Variants in IQCE observed in about 807,000 individuals in gnomAD.
IQCE encodes the protein IQ motif containing E.
A neutral mutation model predicts 96.0 loss-of-function variants in IQCE; 115 were observed. That is an observed-to-expected ratio of 1.20 (90% CI 1.03 to 1.40). The LOEUF (loss-of-function observed/expected upper bound fraction) is 1.40. Among genes scored for constraint, IQCE ranks in the 40% most tolerant of loss-of-function variants. IQCE has a pLI of 0.00. For missense variants in IQCE, 1,041 were observed against 909.1 expected (o/e 1.15, Z -1.87); for synonymous variants, 412 against 371.2 (o/e 1.11, Z -1.26).
chr7:2,572,547 T>C (rs564150645), intron 5 of IQCE, among the ~76,000 whole-genome samples: 1 of 152,260 alleles, frequency 6.6e-6, no homozygotes, highest in South Asian at 2.1e-4. Flanking sequence ...TGCAGGGATA[T>C]CTCGCCAGGT....
intron 12 of IQCE, among the ~76,000 whole-genome samples, chr7:2,587,299 G>C (rs1033396067): frequency 2.0e-5 from 3 of 152,106 alleles, no homozygotes; most frequent in Non-Finnish European, 4.4e-5. Flanking sequence ...GCGAGGCAGA[G>C]GCCTGGGCTG....
rs1436205066 is a variant in IQCE, at chr7:2,611,117, G to C, written c.*955G>C. On this transcript the variant is annotated 3_prime_UTR_variant, in exon 22 of 22. Coordinates refer to ENST00000402050, the MANE Select transcript of IQCE (RefSeq NM_152558.5). ...CTGCACTCCCAAGCTCCATGGCTGG[G>C]CTGGGCTGGGCTGGGCTGGGCTGGG... The C allele has an allele frequency of 7.2e-6, 1 of 139,222 alleles. No individual in the cohort carries two copies. The highest frequency in any genetic ancestry group is 7.4e-5 in the Admixed American group (1 of 13,550). 8.6% of individuals were successfully genotyped at this position (139,222 alleles called of 1,614,324 possible). A position where few individuals can be genotyped will look rare whatever the true frequency, so the allele number is the denominator to read the frequency against.
chr7:2,578,374 A>G lies in IQCE; in HGVS notation c.579+19A>G, dbSNP rs1782373191. On this transcript the variant is annotated intron_variant, in intron 7 of 21. Coordinates refer to ENST00000402050, the MANE Select transcript of IQCE (RefSeq NM_152558.5). ...CAGCCGCGTAAGCTCCTGGCGCTTC[A>G]CGGACGGGGCAAGGGGAGGGTCCTC... 6.2e-7 allele frequency: 1 copy of G among 1,612,506 alleles called. No individual in the cohort carries two copies. Among genetic ancestry groups the G allele is most frequent in the Admixed American group, 1.7e-5 (1 of 60,006 alleles).
intron 8 of IQCE, among the ~76,000 whole-genome samples, chr7:2,581,562 C>G (rs1005470516): frequency 6.6e-6 from 1 of 151,728 alleles, no homozygotes; most frequent in Non-Finnish European, 1.5e-5. Flanking sequence ...CTGTTCAAGC[C>G]TGGTGTGGTG....
intron 1 of IQCE, among the ~76,000 whole-genome samples, chr7:2,563,375 TTGTGTGTGTGTG>T (rs143397539): frequency 4.4e-5 from 6 of 135,806 alleles, no homozygotes; most frequent in East Asian, 5.6e-4. Flanking sequence ...TAATTTTTTG[TTGTGTGTGTGTG>T]TGTGTGTGTG....
At chr7:2,593,330 C>G (rs1171520289) in intron 15 of IQCE, among the ~76,000 whole-genome samples, 1 of 152,262 alleles carries the variant, frequency 6.6e-6, no homozygotes, top group Non-Finnish European at 1.5e-5. Context: ...GGCATCGTGG[C>G]CACCTCTCAG....
chr7:2,559,243 C>T (rs1186111531), intron 1 of IQCE, 26 bp downstream of exon 1: 1 of 1,184,330 alleles, frequency 8.4e-7, no homozygotes, highest in Non-Finnish European at 1.0e-6. Context: ...GGGGCGACGC[C>T]GGGCGGGCGT....
chr7:2,603,248 C>T (rs911283999), intron 18 of IQCE, among the ~76,000 whole-genome samples: 12 of 152,186 alleles, frequency 7.9e-5, no homozygotes, highest in Admixed American at 3.9e-4. Context: ...CAGCCCGCTG[C>T]GGTTCCTAGC....
chr7:2,607,414 C>G (rs12700160), intron 21 of IQCE, 187 bp downstream of exon 21: 375,475 of 1,348,272 alleles, frequency 0.28, 53,841 homozygotes, highest in Non-Finnish European at 0.29. Context: ...CCGCCTTGGC[C>G]CAGCTTGTCC....
chr7:2,588,770 G>A (rs1453108135), intron 13 of IQCE, among the ~76,000 whole-genome samples: 1 of 139,782 alleles, frequency 7.2e-6, no homozygotes, highest in African/African-American at 2.7e-5. Context: ...GGTTCAGGCA[G>A]TTCCCCTGCC....
intron 2 of IQCE, among the ~76,000 whole-genome samples, chr7:2,568,006 G>C (rs569180790): frequency 6.6e-5 from 10 of 152,336 alleles, no homozygotes; most frequent in Non-Finnish European, 1.2e-4. Flanking sequence ...GAAGTGAGGA[G>C]ACCTGGCCGC....
intron 6 of IQCE, among the ~76,000 whole-genome samples, chr7:2,576,952 G>A (rs1188473144): frequency 1.3e-5 from 2 of 152,196 alleles, no homozygotes. Flanking sequence ...GTTTAGGCGC[G>A]CATTCCGTGG....
At chr7:2,597,284 C>T in intron 16 of IQCE, 2 of 377,044 alleles carry the variant, frequency 5.3e-6, no homozygotes, top group Admixed American at 6.9e-5. Context: ...GGGCCCAATA[C>T]AGGAGGCGAT....
At chr7:2,589,788 C>T (rs569253420) in intron 13 of IQCE, 119 bp from the exon 14 acceptor site, 4 of 955,798 alleles carry the variant, frequency 4.2e-6, no homozygotes, top group South Asian at 1.5e-5. Context: ...CCCCTCAAAG[C>T]TTTCTCATGG....
At chr7:2,566,375 T>A (rs1781373963) in intron 1 of IQCE, among the ~76,000 whole-genome samples, 1 of 151,284 alleles carries the variant, frequency 6.6e-6, no homozygotes. Flanking sequence ...ACAAAGTCAC[T>A]GGAATAAGAA....
intron 9 of IQCE, among the ~76,000 whole-genome samples, chr7:2,583,042 GAGGCCAC>G (rs1315058969): frequency 3.3e-5 from 5 of 152,172 alleles, no homozygotes; most frequent in Non-Finnish European, 5.9e-5. Context: ...AAGGGAAACT[GAGGCCAC>G]ACGTCCATTG....
chr7:2,584,113 G>A (rs1235358182), intron 10 of IQCE, 123 bp from the exon 11 acceptor site: 5 of 855,712 alleles, frequency 5.8e-6, no homozygotes, highest in Non-Finnish European at 1.0e-5. Flanking sequence ...AAGATGAAGT[G>A]CGGCCACTTA....
rs1388390663 is a variant in IQCE at position 2,612,056 on chromosome 7, C to T, written c.*1894C>T. The T allele has an allele frequency of 6.6e-6, 1 of 152,136 alleles. No homozygotes were observed. Among genetic ancestry groups the T allele is most frequent in the Admixed American group, 6.5e-5 (1 of 15,284 alleles). The allele number at this position is 152,136 out of a possible 1,614,324, so 9.4% of individuals were successfully genotyped here. ...CACCTGCACATTCGCTGGGGGAGACCCTCCGTTCTCTTGTGGCAGCTGCTC... is the reference window on the plus strand; with the variant it reads ...CACCTGCACATTCGCTGGGGGAGACTCTCCGTTCTCTTGTGGCAGCTGCTC... On this transcript the variant is annotated 3_prime_UTR_variant, in exon 22 of 22. Coordinates refer to ENST00000402050, the MANE Select transcript of IQCE (RefSeq NM_152558.5).
rs201472879 is a variant in IQCE, at chr7:2,582,683, T to A, written c.701+33T>A. 203 of 1,593,382 alleles carry A rather than the reference T, an allele frequency of 1.3e-4. No individual in the cohort carries two copies. In the African/African-American group the frequency reaches 2.5e-3, roughly 20 times the overall value. ...CAGGGCTGCACCCTCTCCCCTGCCTTCCGCCCCGTGTTCTGCTTGCTCAGA... is the reference window on the plus strand; with the variant it reads ...CAGGGCTGCACCCTCTCCCCTGCCTACCGCCCCGTGTTCTGCTTGCTCAGA... On this transcript the variant is annotated intron_variant, in intron 9 of 21. Transcript: ENST00000402050.
Sources: gnomAD v4.1 joint callset for allele counts (sites outside exome capture counted in the v4.1 genomes callset) on GRCh38, gnomAD v4.1.1 for gene constraint, MANE v1.5 for transcripts, NCBI Gene and HGNC (gene_info 2026-07-23, HGNC 2026-07-21) for gene names.